Variants in CCDC144A observed in about 807,000 individuals in gnomAD.
CCDC144A encodes the protein coiled-coil domain containing 144A.
A neutral mutation model predicts 143.8 loss-of-function variants in CCDC144A; 41 were observed. That is an observed-to-expected ratio of 0.29 (90% CI 0.22 to 0.37). CCDC144A has a LOEUF of 0.37. CCDC144A is among the 10% of genes least tolerant of loss of function. CCDC144A has a pLI of 1.00. For missense variants in CCDC144A, 637 were observed against 1,488.8 expected (o/e 0.43, Z 9.41); for synonymous variants, 242 against 517.9 (o/e 0.47, Z 7.23).
chr17:16,717,642 A>C (rs1397568696), intron 6 of CCDC144A, among the ~76,000 whole-genome samples: 1 of 151,794 alleles, frequency 6.6e-6, no homozygotes, highest in Non-Finnish European at 1.5e-5. Context: ...CCATATATCA[A>C]CTCTTAAACT....
the CCDC144A span, chr17:16,683,525 G>A: frequency 6.5e-7 from 1 of 1,535,678 alleles, no homozygotes; most frequent in Non-Finnish European, 9.0e-7. Context: ...TCTATGCCGT[G>A]AGGAGGGGCG....
chr17:16,762,886 C>T (rs2143378004), intron 14 of CCDC144A, among the ~76,000 whole-genome samples: 1 of 146,290 alleles, frequency 6.8e-6, no homozygotes, highest in Non-Finnish European at 1.5e-5. Flanking sequence ...ACAGTGATAC[C>T]ATTATAAAAA....
At chr17:16,687,890 TA>T (rs921958423), upstream of CCDC144A, among the ~76,000 whole-genome samples, 23 of 152,082 alleles carry the variant, frequency 1.5e-4, no homozygotes, top group African/African-American at 5.3e-4. Context: ...AGTAGCACAC[TA>T]ATTTTTTTTT....
At chr17:16,688,484 GTTTTTTTTTT>G (rs66493875), upstream of CCDC144A, among the ~76,000 whole-genome samples, 4 of 71,622 alleles carry the variant, frequency 5.6e-5, no homozygotes, top group Admixed American at 1.9e-4. Flanking sequence ...TTCTTTTTCT[GTTTTTTTTTT>G]TTTTTTTTTT....
intron 15 of CCDC144A, among the ~76,000 whole-genome samples, chr17:16,768,131 C>T (rs1462257546): frequency 6.6e-6 from 1 of 152,262 alleles, no homozygotes; most frequent in African/African-American, 2.4e-5. Flanking sequence ...CTAAGTCCTG[C>T]AGACCTTCCT....
chr17:16,685,146 C>T (rs1910734916), upstream of CCDC144A, among the ~76,000 whole-genome samples: 1 of 152,132 alleles, frequency 6.6e-6, no homozygotes, highest in Non-Finnish European at 1.5e-5. Flanking sequence ...CATGCCTCAG[C>T]CTCCCAAGTA....
chr17:16,674,531 C>T, the CCDC144A span, among the ~76,000 whole-genome samples: 1 of 149,370 alleles, frequency 6.7e-6, no homozygotes, highest in Non-Finnish European at 1.5e-5. Flanking sequence ...TAGAGCAAAA[C>T]CTGTCGAAAG....
the CCDC144A span, among the ~76,000 whole-genome samples, chr17:16,671,972 G>A: frequency 6.6e-6 from 1 of 152,172 alleles, no homozygotes; most frequent in Non-Finnish European, 1.5e-5. Flanking sequence ...TTCAAGTACA[G>A]TTTAAGTAAA....
At chr17:16,759,966 A>T (rs986678741) in intron 12 of CCDC144A, among the ~76,000 whole-genome samples, 4 of 152,210 alleles carry the variant, frequency 2.6e-5, no homozygotes, top group African/African-American at 9.7e-5. Context: ...AGAATCATCT[A>T]AAGGCTTGTT....
At chr17:16,690,991 A>G (rs1911031629) in intron 1 of CCDC144A, among the ~76,000 whole-genome samples, 2 of 152,272 alleles carry the variant, frequency 1.3e-5, no homozygotes, top group South Asian at 4.1e-4. Flanking sequence ...TTCATCAAAC[A>G]TAAGCTGAAT....
At chr17:16,683,487 T>C in the CCDC144A span, 8 of 1,452,778 alleles carry the variant, frequency 5.5e-6, no homozygotes, top group Admixed American at 1.4e-4. Context: ...CGCCTTGCCC[T>C]GCCGCCGCTC....
chr17:16,691,148 G>C (rs529797246), intron 1 of CCDC144A, among the ~76,000 whole-genome samples: 1 of 152,174 alleles, frequency 6.6e-6, no homozygotes, highest in South Asian at 2.1e-4. Flanking sequence ...AGAAGTTCGA[G>C]ACCAGGCTGA....
In CCDC144A at chr17:16,746,271, C is replaced by CTCTCTTT. The variant is rs370181880; in HGVS notation, c.3372+10629_3372+10630insCTCTTTT. The CTCTCTTT allele has an allele frequency of 6.8e-4, 530 of 779,910 alleles. 2 individuals carry two copies. In the African/African-American group the frequency reaches 0.01, roughly 15 times the overall value. The allele number at this position is 779,910 out of a possible 1,614,324, so 48.3% of individuals were successfully genotyped here. ...CTTCTGTTTATCTGTCTCTCTCTCTCTTTTTTTTTTTTTTTGCATCTTTCT... is the reference window on the plus strand; with the variant it reads ...CTTCTGTTTATCTGTCTCTCTCTCTCTCTCTTTTTTTTTTTTTTTTTTGCATCTTTCT... On this transcript the variant is annotated intron_variant, in intron 12 of 16. Transcript: ENST00000399273.
At chr17:16,696,633 C>CAAAAA (rs536770820) in intron 2 of CCDC144A, among the ~76,000 whole-genome samples, 4 of 71,722 alleles carry the variant, frequency 5.6e-5, no homozygotes, top group African/African-American at 1.5e-4. Flanking sequence ...GACTCTGTCT[C>CAAAAA]AAAAAAAAAA....
chr17:16,690,165 G>T (rs1286309721), upstream of CCDC144A: 1 of 368,760 alleles, frequency 2.7e-6, no homozygotes, highest in Non-Finnish European at 4.8e-6. Context: ...TGCAGATGCA[G>T]TGAAGTCACA....
chr17:16,722,218 T>G (rs1481077793), intron 8 of CCDC144A, among the ~76,000 whole-genome samples: 2 of 152,204 alleles, frequency 1.3e-5, no homozygotes, highest in Non-Finnish European at 2.9e-5. Flanking sequence ...CTTTTAGTTT[T>G]TTAATGTGGT....
At chr17:16,743,514 G>A (rs1273971873) in intron 12 of CCDC144A, among the ~76,000 whole-genome samples, 1 of 151,864 alleles carries the variant, frequency 6.6e-6, no homozygotes, top group African/African-American at 2.4e-5. Context: ...TTTGAAGTCA[G>A]GTGGAGTGAT....
At chr17:16,726,721 T>C (rs1400264690) in intron 8 of CCDC144A, among the ~76,000 whole-genome samples, 2 of 152,142 alleles carry the variant, frequency 1.3e-5, no homozygotes, top group Non-Finnish European at 2.9e-5. Context: ...TGCTGTTTGT[T>C]ACTCTGCTAG....
intron 2 of CCDC144A, among the ~76,000 whole-genome samples, chr17:16,701,080 C>G (rs1438519150): frequency 6.6e-6 from 1 of 152,126 alleles, no homozygotes; most frequent in African/African-American, 2.4e-5. Flanking sequence ...AGATAGTACT[C>G]ATATTCTGTT....
Sources: gnomAD v4.1 joint callset for allele counts (sites outside exome capture counted in the v4.1 genomes callset) on GRCh38, gnomAD v4.1.1 for gene constraint, MANE v1.5 for transcripts, NCBI Gene and HGNC (gene_info 2026-07-23, HGNC 2026-07-21) for gene names.